PTPRU: variants seen among roughly 807,000 people sequenced by gnomAD.
The protein encoded by PTPRU is receptor-type tyrosine-protein phosphatase U.
PTPRU carries 69 observed loss-of-function variants against 166.3 expected under a neutral mutation model. The observed-to-expected ratio is 0.41, with a 90% CI of 0.34 to 0.51. The LOEUF (loss-of-function observed/expected upper bound fraction) is 0.51. Among genes scored for constraint, PTPRU ranks in the 20% least tolerant of loss-of-function variants. PTPRU has a pLI of 0.09. For synonymous variants in PTPRU, 793 were observed against 814.0 expected (o/e 0.97, Z 0.44); for missense variants, 1,657 against 2,013.7 (o/e 0.82, Z 3.39).
chr1:29,318,985 A>T (rs1688026055), intron 25 of PTPRU, among the ~76,000 whole-genome samples: 2 of 152,180 alleles, frequency 1.3e-5, no homozygotes, highest in South Asian at 4.1e-4. Flanking sequence ...CCTTGGCAGG[A>T]CAGTGCGGGG....
Position 29,311,858 on chromosome 1 carries a change from C to T in PTPRU, c.3072+99C>T, listed in dbSNP as rs1379262905. 9.4e-6 allele frequency: 11 copies of T among 1,168,214 alleles called. No homozygotes were observed. The highest frequency in any genetic ancestry group is 2.1e-4 in the Middle Eastern group (1 of 4,776). 72.4% of individuals were successfully genotyped at this position (1,168,214 alleles called of 1,614,324 possible). ...GCCCTGGGAGCAGGAGGGTGAGGAG[C>T]GCACCACTGCCCATCCCAGCAAGGA... On this transcript the variant is annotated intron_variant, in intron 21 of 29. Coordinates refer to ENST00000373779, the MANE Select transcript of PTPRU (RefSeq NM_133178.4). This position sits in a 1 kb window ranked among gnomAD's most constrained non-coding sequence, Gnocchi z 4.1.
rs1557478008 is a variant in PTPRU at position 29,311,242 on chromosome 1, G to A, written c.2858-214G>A. The A allele has an allele frequency of 6.7e-6, 4 of 599,914 alleles. No individual in the cohort carries two copies. Among genetic ancestry groups the A allele is most frequent in the East Asian group, 2.8e-5 (1 of 36,160 alleles). 37.2% of individuals were successfully genotyped at this position (599,914 alleles called of 1,614,324 possible). On this transcript the variant is annotated intron_variant, in intron 19 of 29. Transcript: ENST00000373779. This position sits in a 1 kb window ranked among gnomAD's most constrained non-coding sequence, Gnocchi z 4.1. ...CTCCAGGGTCCCATTCAGGATGAGCGGGCTCTTTAGCCAGGCCCTCTCCTG... is the reference window on the plus strand; with the variant it reads ...CTCCAGGGTCCCATTCAGGATGAGCAGGCTCTTTAGCCAGGCCCTCTCCTG...
intron 26 of PTPRU, among the ~76,000 whole-genome samples, chr1:29,322,818 G>A (rs1688218716): frequency 6.6e-6 from 1 of 152,072 alleles, no homozygotes; most frequent in Admixed American, 6.5e-5. Context: ...TAGGTCATAG[G>A]GCTGTACCTC....
In PTPRU at chr1:29,236,609, G is replaced by C; in HGVS notation, c.-36G>C. On this transcript the variant is annotated 5_prime_UTR_variant, in exon 1 of 30. Coordinates refer to ENST00000373779, the MANE Select transcript of PTPRU (RefSeq NM_133178.4). The surrounding 1 kb of genome is among the most constrained non-coding windows in gnomAD (Gnocchi z 4.6). ...TCGGGCTCCGGGGGCGGCGTCCCCC[G>C]CGCCGGGCCCCGGGACGGGCGGCGA... 8.2e-7 allele frequency: 1 copy of C among 1,218,148 alleles called. No homozygotes were observed. Among genetic ancestry groups the C allele is most frequent in the Non-Finnish European group, 1.0e-6 (1 of 979,426 alleles). The allele number at this position is 1,218,148 out of a possible 1,614,324, so 75.5% of individuals were successfully genotyped here.
chr1:29,252,908 C>G (rs1684619052), intron 1 of PTPRU, among the ~76,000 whole-genome samples: 1 of 152,218 alleles, frequency 6.6e-6, no homozygotes, highest in Admixed American at 6.5e-5. Context: ...AGTTCTAGCA[C>G]AAGAGTCAGA....
intron 1 of PTPRU, among the ~76,000 whole-genome samples, chr1:29,248,416 A>G (rs776306786): frequency 1.1e-4 from 17 of 152,076 alleles, no homozygotes; most frequent in Admixed American, 2.0e-4. Flanking sequence ...GAAATAGTCC[A>G]GTATTGTTGT....
chr1:29,294,910 G>A (rs1029939007), intron 15 of PTPRU, among the ~76,000 whole-genome samples: 5 of 152,076 alleles, frequency 3.3e-5, no homozygotes, highest in Non-Finnish European at 7.3e-5. Flanking sequence ...TCTTTCATTG[G>A]TTGGTTTGGT....
At position 29,237,757 on chromosome 1, in the gene PTPRU, G is replaced by T. The variant is rs1683839691; in HGVS notation, c.73+1040G>T. Among the ~76,000 whole-genome samples, 1 of 148,552 alleles carries T rather than the reference G, an allele frequency of 6.7e-6. No individual in the cohort carries two copies. The highest frequency in any genetic ancestry group is 2.4e-5 in the African/African-American group (1 of 41,000). On this transcript the variant is annotated intron_variant, in intron 1 of 29. Transcript: ENST00000373779. This position sits in a 1 kb window ranked among gnomAD's most constrained non-coding sequence, Gnocchi z 6.4. ...TGGCGGGCGGCTGATCCGAGGCGGC[G>T]CCGGGGCTGCGGGGCGCCCGGGCCA...
At position 29,315,293 on chromosome 1, in the gene PTPRU, T is replaced by C. The variant is rs1027235249; in HGVS notation, c.3228-79T>C. On this transcript the variant is annotated intron_variant, in intron 22 of 29. Coordinates refer to ENST00000373779, the MANE Select transcript of PTPRU (RefSeq NM_133178.4). The surrounding 1 kb of genome is among the most constrained non-coding windows in gnomAD (Gnocchi z 4.5). ...CCCTGTATGGTGTAGACATGGCCAG[T>C]GCCCTCCTCTCTTCTTCTCCTTAGT... The C allele has an allele frequency of 5.1e-6, 8 of 1,565,132 alleles. No homozygotes were observed. In the African/African-American group the frequency reaches 1.1e-4, roughly 21 times the overall value.
chr1:29,311,726 T>C lies in PTPRU; in HGVS notation c.3039T>C (p.Ala1013=). 6.2e-7 allele frequency: 1 copy of C among 1,614,228 alleles called. No homozygotes were observed. The highest frequency in any genetic ancestry group is 8.5e-7 in the Non-Finnish European group (1 of 1,180,030). ...KIMLVKTETL[A]EYVVRTFALE... ...TGCTGGTGAAGACAGAGACCCTGGC[T>C]GAGTATGTCGTGCGCACTTTTGCCC... The change falls in exon 21 of 30, where the codon GCT becomes GCC. Residue 1013 remains alanine, a synonymous_variant. Transcript: ENST00000373779. The surrounding 1 kb of genome is among the most constrained non-coding windows in gnomAD (Gnocchi z 4.1).
rs1687863626 is a variant in PTPRU at position 29,315,538 on chromosome 1, A to G, written c.3363+31A>G. On this transcript the variant is annotated intron_variant, in intron 23 of 29. Coordinates refer to ENST00000373779, the MANE Select transcript of PTPRU (RefSeq NM_133178.4). This position sits in a 1 kb window ranked among gnomAD's most constrained non-coding sequence, Gnocchi z 4.5. ...GGGACCTGGCCCTGTCCCCACCATTATTACTTCTAGGACTGGAGTTTCTCG... is the reference window on the plus strand; with the variant it reads ...GGGACCTGGCCCTGTCCCCACCATTGTTACTTCTAGGACTGGAGTTTCTCG... The G allele has an allele frequency of 5.6e-6, 9 of 1,613,454 alleles. No homozygotes were observed. The highest frequency in any genetic ancestry group is 7.6e-6 in the Non-Finnish European group (9 of 1,179,792).
chr1:29,273,678 C>T (rs1258700284), intron 7 of PTPRU, among the ~76,000 whole-genome samples: 3 of 152,072 alleles, frequency 2.0e-5, no homozygotes, highest in African/African-American at 4.8e-5. Context: ...GTTGGGATTA[C>T]AGGCATGAGC....
intron 22 of PTPRU, among the ~76,000 whole-genome samples, chr1:29,313,603 C>T (rs1210707185): frequency 6.6e-6 from 1 of 152,218 alleles, no homozygotes; most frequent in Non-Finnish European, 1.5e-5. Context: ...TGCCTGTAAT[C>T]TCAGCACTTT....
intron 1 of PTPRU, among the ~76,000 whole-genome samples, chr1:29,242,890 C>T (rs1311403338): frequency 2.0e-5 from 3 of 151,890 alleles, no homozygotes; most frequent in South Asian, 4.2e-4. Context: ...CCTGCCATCA[C>T]GCTCTCGGTT....
chr1:29,265,070 A>G (rs556630358), intron 7 of PTPRU, among the ~76,000 whole-genome samples: 1 of 152,326 alleles, frequency 6.6e-6, no homozygotes, highest in Non-Finnish European at 1.5e-5. Flanking sequence ...GAGCATTCAT[A>G]CAGAGGTTTT....
At chr1:29,268,629 A>G (rs1685407958) in intron 7 of PTPRU, among the ~76,000 whole-genome samples, 1 of 152,268 alleles carries the variant, frequency 6.6e-6, no homozygotes, top group South Asian at 2.1e-4. Context: ...GGTTAAATGC[A>G]GACAATTGCA....
chr1:29,252,777 AC>A (rs1310269709), intron 1 of PTPRU, among the ~76,000 whole-genome samples: 3 of 152,118 alleles, frequency 2.0e-5, no homozygotes, highest in Admixed American at 2.0e-4. Context: ...CTGCCCTCCC[AC>A]CACCACAGCA....
In PTPRU at chr1:29,273,021, C is replaced by T. The variant is rs569704108; in HGVS notation, c.1145-2427C>T. 5.3e-5 allele frequency among the ~76,000 whole-genome samples: 8 copies of T among 152,182 alleles called. No homozygotes were observed. In the East Asian group the frequency reaches 1.5e-3, roughly 29 times the overall value. On this transcript the variant is annotated intron_variant, in intron 7 of 29. Coordinates refer to ENST00000373779, the MANE Select transcript of PTPRU (RefSeq NM_133178.4). ...TGTTCATTAAGGGATGCTGAGGTCC[C>T]TCTAGCTGGGGACACTTTGCAGGCG...
At position 29,259,861 on chromosome 1, in the gene PTPRU, T is replaced by C. The variant is rs1425806884; in HGVS notation, c.676-9T>C. 2.0e-6 allele frequency: 3 copies of C among 1,527,934 alleles called. No individual in the cohort carries two copies. The highest frequency in any genetic ancestry group is 2.6e-6 in the Non-Finnish European group (3 of 1,143,834). The allele number at this position is 1,527,934 out of a possible 1,614,324, so 94.6% of individuals were successfully genotyped here. A position where few individuals can be genotyped will look rare whatever the true frequency, so the allele number is the denominator to read the frequency against. Reference sequence around the variant, plus strand: ...GGCGCCCCTGACCCCCTCACTCTCTTCCCTGCAGCGGCAGAGCGGGGCGCT... The same window carrying C: ...GGCGCCCCTGACCCCCTCACTCTCTCCCCTGCAGCGGCAGAGCGGGGCGCT... On this transcript the variant is annotated splice_polypyrimidine_tract_variant and intron_variant, in intron 5 of 29. Coordinates refer to ENST00000373779, the MANE Select transcript of PTPRU (RefSeq NM_133178.4).
Sources: allele counts gnomAD v4.1 joint callset (sites outside exome capture counted in the v4.1 genomes callset), GRCh38; gene constraint gnomAD v4.1.1; non-coding constraint Gnocchi (gnomAD v3.1); transcripts MANE v1.5; gene names NCBI Gene and HGNC (gene_info 2026-07-23, HGNC 2026-07-21).